CAP2: variants seen among roughly 807,000 people sequenced by gnomAD.
The protein encoded by CAP2 is adenylyl cyclase-associated protein 2.
Under a neutral mutation model 57.7 loss-of-function variants are expected in CAP2, and 24 were observed. That is an observed-to-expected ratio of 0.42 (90% confidence interval 0.30 to 0.58). The LOEUF (loss-of-function observed/expected upper bound fraction) is 0.58. Ranked by LOEUF, CAP2 falls within the 20% of genes least tolerant of loss-of-function variation. CAP2 has a pLI of 0.22. For synonymous variants in CAP2, 194 were observed against 207.2 expected (o/e 0.94, Z 0.55); for missense variants, 501 against 590.3 (o/e 0.85, Z 1.57).
chr6:17,408,322 C>T (rs1158330302), intron 1 of CAP2, among the ~76,000 whole-genome samples: 1 of 152,098 alleles, frequency 6.6e-6, no homozygotes, highest in Non-Finnish European at 1.5e-5. Flanking sequence ...TCATTTTTTC[C>T]TTGCCACTCT....
At chr6:17,444,169 C>T (rs1760177964) in intron 3 of CAP2, among the ~76,000 whole-genome samples, 1 of 152,114 alleles carries the variant, frequency 6.6e-6, no homozygotes, top group South Asian at 2.1e-4. Flanking sequence ...TTCTTCCAGC[C>T]CTGTCTCTGT....
intron 4 of CAP2, among the ~76,000 whole-genome samples, chr6:17,496,015 T>C (rs1371616992): frequency 8.0e-5 from 2 of 24,966 alleles, no homozygotes; most frequent in Non-Finnish European, 1.4e-4. Flanking sequence ...CTGCTGTGCA[T>C]GCGTGTGTGG....
At chr6:17,417,917 C>T (rs1207626849) in intron 1 of CAP2, among the ~76,000 whole-genome samples, 1 of 152,182 alleles carries the variant, frequency 6.6e-6, no homozygotes, top group African/African-American at 2.4e-5. Context: ...CTGACTCATT[C>T]CTTACCCTGA....
intron 3 of CAP2, among the ~76,000 whole-genome samples, chr6:17,432,719 C>CCTTG (rs35029222): frequency 0.83 from 125,768 of 151,066 alleles, 53,117 homozygotes; most frequent in East Asian, 0.95. Flanking sequence ...CCCTCCACCC[C>CCTTG]CTTGCTTGCT....
At chr6:17,422,432 C>T (rs945016169) in intron 2 of CAP2, among the ~76,000 whole-genome samples, 1 of 149,304 alleles carries the variant, frequency 6.7e-6, no homozygotes, top group Non-Finnish European at 1.5e-5. Flanking sequence ...TCACTACAAC[C>T]TCTGCTTCCC....
At chr6:17,549,005 A>G (rs1428816544) in intron 11 of CAP2, among the ~76,000 whole-genome samples, 2 of 152,252 alleles carry the variant, frequency 1.3e-5, no homozygotes, top group Admixed American at 6.5e-5. Flanking sequence ...AGCACAAACC[A>G]TAAAGAAAGT....
intron 3 of CAP2, among the ~76,000 whole-genome samples, chr6:17,456,185 C>T (rs532756698): frequency 4.6e-5 from 7 of 152,178 alleles, no homozygotes; most frequent in Non-Finnish European, 7.3e-5. Flanking sequence ...TCAGAAACTC[C>T]GGAGATGCGA....
chr6:17,539,503 G>A (rs1468282325), intron 8 of CAP2, 45 bp downstream of exon 8: 1 of 1,507,228 alleles, frequency 6.6e-7, no homozygotes, highest in Non-Finnish European at 9.1e-7. Context: ...CTTTCCCTCT[G>A]GCTCCCAGAC....
At chr6:17,482,107 C>A (rs1262316431) in intron 4 of CAP2, among the ~76,000 whole-genome samples, 4 of 152,206 alleles carry the variant, frequency 2.6e-5, no homozygotes, top group Non-Finnish European at 5.9e-5. Flanking sequence ...TTCTGTCCTT[C>A]AAAGCTTGAG....
In CAP2 at chr6:17,479,817, A is replaced by G. The variant is rs572880340; in HGVS notation, c.300+16744A>G. On this transcript the variant is annotated intron_variant, in intron 4 of 12. Coordinates refer to ENST00000229922, the MANE Select transcript of CAP2 (RefSeq NM_006366.3). Reference sequence around the variant, plus strand: ...TTTTTAGTAGACATGGGGTTTCACCATGTTAGCCAGGATGATCTCGATCTC... The same window carrying G: ...TTTTTAGTAGACATGGGGTTTCACCGTGTTAGCCAGGATGATCTCGATCTC... Among the ~76,000 whole-genome samples the G allele has an allele frequency of 4.0e-5, 6 of 151,818 alleles. No homozygotes were observed. The South Asian group carries it at 6.3e-4, about 16-fold the overall frequency.
intron 8 of CAP2, among the ~76,000 whole-genome samples, chr6:17,540,253 A>C (rs1292838947): frequency 6.6e-6 from 1 of 152,210 alleles, no homozygotes; most frequent in East Asian, 1.9e-4. Context: ...TGCAAAGTAA[A>C]GGAATGGATT....
chr6:17,535,271 T>G (rs1172535515), intron 7 of CAP2, among the ~76,000 whole-genome samples: 2 of 149,206 alleles, frequency 1.3e-5, no homozygotes, highest in Non-Finnish European at 3.0e-5. Flanking sequence ...ATTTGGCTAA[T>G]GACTTTTTTT....
chr6:17,514,856 GAT>G (rs1466884874), intron 7 of CAP2, among the ~76,000 whole-genome samples: 1 of 152,172 alleles, frequency 6.6e-6, no homozygotes, highest in African/African-American at 2.4e-5. Context: ...AATGTTAAGT[GAT>G]AAAGTCAATT....
At chr6:17,548,556 A>C (rs991822709) in intron 11 of CAP2, among the ~76,000 whole-genome samples, 1 of 152,202 alleles carries the variant, frequency 6.6e-6, no homozygotes, top group African/African-American at 2.4e-5. Flanking sequence ...CATCATTATC[A>C]GTGGTCTCAG....
At chr6:17,507,357 G>A (rs1469649535) in intron 5 of CAP2, 45 bp downstream of exon 5, 1 of 1,591,222 alleles carries the variant, frequency 6.3e-7, no homozygotes, top group Non-Finnish European at 8.6e-7. Context: ...TCACACGTTT[G>A]GAGTATTTAG....
chr6:17,524,977 A>G (rs942908709), intron 7 of CAP2, among the ~76,000 whole-genome samples: 1 of 146,814 alleles, frequency 6.8e-6, no homozygotes. Context: ...GCTCACTGCA[A>G]CCTCTGCCTT....
intron 4 of CAP2, among the ~76,000 whole-genome samples, chr6:17,503,090 T>C (rs934649903): frequency 6.6e-6 from 1 of 152,186 alleles, no homozygotes; most frequent in Non-Finnish European, 1.5e-5. Flanking sequence ...TTTTTGTTTG[T>C]TCTATTGTTG....
At chr6:17,432,196 G>A (rs2113547659) in intron 3 of CAP2, among the ~76,000 whole-genome samples, 1 of 152,222 alleles carries the variant, frequency 6.6e-6, no homozygotes, top group African/African-American at 2.4e-5. Context: ...TTTACGGATG[G>A]TATCTTGTAT....
At chr6:17,413,517 G>GCCTTA (rs1022774168) in intron 1 of CAP2, among the ~76,000 whole-genome samples, 1 of 152,140 alleles carries the variant, frequency 6.6e-6, no homozygotes, top group African/African-American at 2.4e-5. Context: ...TTTTTAATCA[G>GCCTTA]CCTTAGTTTT....
Sources: gnomAD v4.1 joint callset for allele counts (sites outside exome capture counted in the v4.1 genomes callset) on GRCh38, gnomAD v4.1.1 for gene constraint, MANE v1.5 for transcripts, NCBI Gene and HGNC (gene_info 2026-07-23, HGNC 2026-07-21) for gene names.